The following CHST11 variants were observed in gnomAD, a reference collection of about 807,000 sequenced individuals.
CHST11 encodes the protein carbohydrate sulfotransferase 11.
In CHST11, 9 loss-of-function variants were observed where a neutral mutation model predicts 30.4. That is an observed-to-expected ratio of 0.30 (90% CI 0.18 to 0.52). CHST11 has a LOEUF of 0.52. CHST11 is among the 20% of genes least tolerant of loss of function. The pLI is 0.97. For missense variants in CHST11, 348 were observed against 460.6 expected (o/e 0.76, Z 2.24); for synonymous variants, 152 against 187.8 (o/e 0.81, Z 1.56).
chr12:104,569,298 T>A (rs182857040), intron 1 of CHST11, among the ~76,000 whole-genome samples: 1 of 152,322 alleles, frequency 6.6e-6, no homozygotes, highest in Admixed American at 6.5e-5. Context: ...TAGAGCTCAG[T>A]TTGTGAGACT....
At chr12:104,564,697 CTTTGCCAATGTATTTGTA>C (rs2038544870) in intron 1 of CHST11, among the ~76,000 whole-genome samples, 1 of 152,160 alleles carries the variant, frequency 6.6e-6, no homozygotes, top group African/African-American at 2.4e-5. Context: ...ATCGGTGATC[CTTTGCCAATGTATTTGTA>C]TTCGTACATT....
chr12:104,545,987 A>G (rs541326397), intron 1 of CHST11, among the ~76,000 whole-genome samples: 48 of 152,138 alleles, frequency 3.2e-4, no homozygotes, highest in African/African-American at 1.1e-3. Context: ...AAAGGCATCA[A>G]TCCCACTTAT....
chr12:104,724,207 A>C (rs532676810), intron 2 of CHST11, among the ~76,000 whole-genome samples: 25 of 152,314 alleles, frequency 1.6e-4, no homozygotes, highest in African/African-American at 5.1e-4. Context: ...TGTTAACTGA[A>C]AGAAGCCAGA....
At chr12:104,752,896 C>T (rs994899598) in intron 2 of CHST11, among the ~76,000 whole-genome samples, 5 of 152,158 alleles carry the variant, frequency 3.3e-5, no homozygotes, top group African/African-American at 1.2e-4. Context: ...GATTATTAAG[C>T]CATTCATTCA....
At position 104,600,521 on chromosome 12, in the gene CHST11, C is replaced by G. The variant is rs148248199; in HGVS notation, c.119-1385C>G. On this transcript the variant is annotated intron_variant, in intron 1 of 2. Coordinates refer to ENST00000303694, the MANE Select transcript of CHST11 (RefSeq NM_018413.6). The surrounding 1 kb of genome is among the most constrained non-coding windows in gnomAD (Gnocchi z 4.1). Reference sequence around the variant, plus strand: ...TTAAGCATTCTGCACATAGTAGTTACTCATTTAATCTTCACATCCAACCCA... The same window carrying G: ...TTAAGCATTCTGCACATAGTAGTTAGTCATTTAATCTTCACATCCAACCCA... Among the ~76,000 whole-genome samples the G allele has an allele frequency of 2.6e-5, 4 of 152,342 alleles. No individual in the cohort carries two copies. The East Asian group carries it at 7.7e-4, about 29-fold the overall frequency.
intron 1 of CHST11, among the ~76,000 whole-genome samples, chr12:104,586,645 G>A (rs11112113): frequency 6.6e-6 from 1 of 152,128 alleles, no homozygotes; most frequent in Non-Finnish European, 1.5e-5. Context: ...GACTTGGAGC[G>A]CCAGGCAGGG....
rs143034625 is a variant in CHST11 at position 104,601,961 on chromosome 12, C to T, written c.174C>T (p.Ser58=). 3.8e-4 allele frequency: 612 copies of T among 1,613,968 alleles called. 2 individuals are homozygous for T. In the African/African-American group the frequency reaches 4.6e-3, roughly 12 times the overall value. ...TCTGCTGCCGGAAGGGGTCCCGAAG[C>T]CCCCTGCAGGAACTCTACAACCCAA... The part of the protein sequence containing the change: ...VDICCRKGSR[S]PLQELYNPIQ... Residue 58 remains serine (S), a synonymous_variant, in exon 2 of 3, where the codon AGC becomes AGT. Coordinates refer to ENST00000303694, the MANE Select transcript of CHST11 (RefSeq NM_018413.6).
intron 1 of CHST11, among the ~76,000 whole-genome samples, chr12:104,566,945 G>A (rs944581833): frequency 4.6e-5 from 7 of 151,876 alleles, no homozygotes; most frequent in Admixed American, 3.3e-4. Context: ...CTAGTGTAAG[G>A]CAGTCTTCTT....
At chr12:104,700,191 CA>C (rs369459397) in intron 2 of CHST11, among the ~76,000 whole-genome samples, 87 of 152,138 alleles carry the variant, frequency 5.7e-4, no homozygotes, top group African/African-American at 1.9e-3. Context: ...AACTAAATTC[CA>C]GTACTACAAG....
intron 2 of CHST11, among the ~76,000 whole-genome samples, chr12:104,608,771 G>A (rs1414409128): frequency 6.6e-6 from 1 of 152,138 alleles, no homozygotes; most frequent in African/African-American, 2.4e-5. Context: ...CTGTGTCTGT[G>A]TTTTCCACTA....
At chr12:104,646,366 G>A (rs928046479) in intron 2 of CHST11, among the ~76,000 whole-genome samples, 12 of 152,014 alleles carry the variant, frequency 7.9e-5, no homozygotes, top group African/African-American at 2.9e-4. Flanking sequence ...CTTTCTCAGG[G>A]TACCTTTCCC....
chr12:104,637,717 G>A (rs1331430333), intron 2 of CHST11, among the ~76,000 whole-genome samples: 1 of 152,160 alleles, frequency 6.6e-6, no homozygotes, highest in African/African-American at 2.4e-5. Flanking sequence ...GGATTTTGTT[G>A]CCGGAGAGAC....
chr12:104,674,716 T>C (rs563919351), intron 2 of CHST11, among the ~76,000 whole-genome samples: 1 of 152,352 alleles, frequency 6.6e-6, no homozygotes, highest in Non-Finnish European at 1.5e-5. Flanking sequence ...GATTAGACTT[T>C]TTTTTTTCAG....
In CHST11 at chr12:104,470,393, A is replaced by T. The variant is rs551166062; in HGVS notation, c.118+12864A>T. 3.3e-5 allele frequency among the ~76,000 whole-genome samples: 5 copies of T among 152,300 alleles called. 1 individual carries two copies. The highest frequency in any genetic ancestry group is 1.2e-4 in the African/African-American group (5 of 41,552). On this transcript the variant is annotated intron_variant, in intron 1 of 2. Transcript: ENST00000303694. ...AGCAGGGGAAATACCAGACACTGAT[A>T]AAGCCATCAGATCTCATGAGACTCA...
At chr12:104,719,858 A>T (rs1276509739) in intron 2 of CHST11, among the ~76,000 whole-genome samples, 1 of 152,146 alleles carries the variant, frequency 6.6e-6, no homozygotes, top group Non-Finnish European at 1.5e-5. Context: ...GCCCCAGGGA[A>T]CACTGTGTCC....
intron 2 of CHST11, among the ~76,000 whole-genome samples, chr12:104,626,787 G>A (rs1021080043): frequency 1.9e-4 from 29 of 151,706 alleles, no homozygotes; most frequent in Admixed American, 5.9e-4. Context: ...AGACATGCAC[G>A]GCCTCCCCCG....
chr12:104,694,018 A>C (rs1227690147), intron 2 of CHST11, among the ~76,000 whole-genome samples: 2 of 152,360 alleles, frequency 1.3e-5, no homozygotes, highest in Non-Finnish European at 2.9e-5. Flanking sequence ...ATGTAAAAAT[A>C]TGAAAATTAT....
chr12:104,678,133 A>G (rs2136100212), intron 2 of CHST11, among the ~76,000 whole-genome samples: 1 of 152,354 alleles, frequency 6.6e-6, no homozygotes, highest in South Asian at 2.1e-4. Context: ...TGTCTCTCTC[A>G]TCACCTCTAG....
intron 1 of CHST11, among the ~76,000 whole-genome samples, chr12:104,472,800 T>TGTG (rs370789162): frequency 0.025 from 3,731 of 151,684 alleles, 114 homozygotes; most frequent in East Asian, 0.17. Flanking sequence ...TGGTGGTGGT[T>TGTG]GTGGTGGTGG....
Sources: allele counts gnomAD v4.1 joint callset (sites outside exome capture counted in the v4.1 genomes callset), GRCh38; gene constraint gnomAD v4.1.1; non-coding constraint Gnocchi (gnomAD v3.1); transcripts MANE v1.5; gene names NCBI Gene and HGNC (gene_info 2026-07-23, HGNC 2026-07-21).